The following KDM4B variants were observed in gnomAD, a reference collection of about 807,000 sequenced individuals.
KDM4B encodes the protein lysine demethylase 4B, also known as lysine-specific demethylase 4B.
KDM4B carries 32 observed loss-of-function variants against 125.2 expected under a neutral mutation model. That is an observed-to-expected ratio of 0.26 (90% CI 0.19 to 0.34). KDM4B has a LOEUF of 0.34. KDM4B is among the 10% of genes least tolerant of loss of function. The probability of loss-of-function intolerance (pLI) is 1.00; values close to 1 mark genes in which losing one functional copy is unlikely to be tolerated. For synonymous variants in KDM4B, 721 were observed against 677.9 expected (o/e 1.06, Z -0.99); for missense variants, 1,190 against 1,577.7 (o/e 0.75, Z 4.16).
intron 2 of KDM4B, among the ~76,000 whole-genome samples, chr19:5,021,535 C>T (rs2036119532): frequency 6.6e-6 from 1 of 151,752 alleles, no homozygotes; most frequent in Non-Finnish European, 1.5e-5. Context: ...ATTGTGCCAC[C>T]GCACTCCAGC....
intron 3 of KDM4B, among the ~76,000 whole-genome samples, chr19:5,034,843 G>C (rs1227664892): frequency 1.3e-5 from 2 of 152,194 alleles, no homozygotes; most frequent in African/African-American, 4.8e-5. Flanking sequence ...TTTTGAGAGG[G>C]GGTCTGGCTC....
chr19:5,055,640 A>G (rs1372234889), intron 6 of KDM4B, among the ~76,000 whole-genome samples: 1 of 151,790 alleles, frequency 6.6e-6, no homozygotes, highest in Non-Finnish European at 1.5e-5. Context: ...GCCCCGCAGC[A>G]GGCGAGTGTC....
chr19:5,095,247 G>C (rs1017870079), intron 9 of KDM4B, among the ~76,000 whole-genome samples: 2 of 152,172 alleles, frequency 1.3e-5, no homozygotes, highest in Non-Finnish European at 2.9e-5. Context: ...GGGAGTTGGC[G>C]CTGCAGCTGA....
chr19:5,139,070 G>A (rs867335851), intron 18 of KDM4B, among the ~76,000 whole-genome samples: 24 of 152,062 alleles, frequency 1.6e-4, no homozygotes, highest in Admixed American at 3.9e-4. Flanking sequence ...CCACAAGCAC[G>A]TGCCAAAAAG....
At chr19:5,109,828 T>C (rs2039106130) in intron 9 of KDM4B, among the ~76,000 whole-genome samples, 1 of 152,218 alleles carries the variant, frequency 6.6e-6, no homozygotes, top group South Asian at 2.1e-4. Context: ...GGGATTCCTG[T>C]TGGTTCTCTC....
chr19:5,111,725 C>A (rs1174450394), intron 10 of KDM4B: 1 of 762,908 alleles, frequency 1.3e-6, no homozygotes, highest in African/African-American at 1.7e-5. Flanking sequence ...CAGCCAACTC[C>A]TCCGGGGAAG....
chr19:4,991,896 C>T (rs970287951), intron 1 of KDM4B, among the ~76,000 whole-genome samples: 2 of 152,288 alleles, frequency 1.3e-5, no homozygotes, highest in East Asian at 1.9e-4. Context: ...TGCAATCTGT[C>T]GAAGTTGTTG....
At chr19:5,150,214 T>C in intron 21 of KDM4B, 144 bp from the exon 22 acceptor site, 1 of 607,938 alleles carries the variant, frequency 1.6e-6, no homozygotes, top group Non-Finnish European at 2.9e-6. Flanking sequence ...GAGGTGGACA[T>C]GAGCTTCAGC....
intron 14 of KDM4B, among the ~76,000 whole-genome samples, chr19:5,134,589 C>T (rs969339363): frequency 5.3e-5 from 8 of 152,212 alleles, no homozygotes; most frequent in Admixed American, 2.0e-4. Flanking sequence ...CCGTTTTCCT[C>T]GGATCTCTTA....
At chr19:5,086,884 C>T (rs903592731) in intron 9 of KDM4B, among the ~76,000 whole-genome samples, 2 of 152,242 alleles carry the variant, frequency 1.3e-5, no homozygotes, top group Non-Finnish European at 2.9e-5. Context: ...CCAGGTCTGC[C>T]CCCACAGGGC....
chr19:5,090,925 G>T (rs1333787054), intron 9 of KDM4B, among the ~76,000 whole-genome samples: 1 of 152,030 alleles, frequency 6.6e-6, no homozygotes, highest in Non-Finnish European at 1.5e-5. Flanking sequence ...ACAGCCCGGT[G>T]GGGGCAGCTG....
intron 2 of KDM4B, among the ~76,000 whole-genome samples, chr19:5,022,834 C>T (rs1458741325): frequency 4.1e-5 from 6 of 147,456 alleles, no homozygotes; most frequent in Non-Finnish European, 6.0e-5. Context: ...GGTGGGGGGG[C>T]TTGGAGGGAT....
At chr19:5,150,312 G>A in intron 21 of KDM4B, 46 bp from the exon 22 acceptor site, 3 of 1,504,400 alleles carry the variant, frequency 2.0e-6, no homozygotes, top group Non-Finnish European at 2.7e-6. Context: ...TGGAGCACCT[G>A]CCATCCTGGC....
intron 18 of KDM4B, 122 bp downstream of exon 18, chr19:5,138,192 G>A (rs924074972): frequency 1.4e-6 from 1 of 706,266 alleles, no homozygotes; most frequent in Non-Finnish European, 2.4e-6. Flanking sequence ...CATGGGGGTG[G>A]TGGGCAGCTT....
intron 2 of KDM4B, among the ~76,000 whole-genome samples, chr19:5,031,769 G>A (rs1307365488): frequency 1.3e-5 from 2 of 152,300 alleles, no homozygotes; most frequent in South Asian, 2.1e-4. Context: ...AGATTCCTGG[G>A]TGCATGCTGC....
At chr19:5,031,066 T>C (rs1161494540) in intron 2 of KDM4B, among the ~76,000 whole-genome samples, 1 of 152,232 alleles carries the variant, frequency 6.6e-6, no homozygotes, top group Non-Finnish European at 1.5e-5. Flanking sequence ...AGCTGCGGCC[T>C]CTGCTCCCTC....
intron 9 of KDM4B, among the ~76,000 whole-genome samples, chr19:5,092,379 G>A (rs2038726817): frequency 6.6e-6 from 1 of 152,166 alleles, no homozygotes; most frequent in Non-Finnish European, 1.5e-5. Context: ...GCCACCCATT[G>A]AAGACACCTG....
At chr19:5,092,328 A>G (rs2038725673) in intron 9 of KDM4B, among the ~76,000 whole-genome samples, 1 of 152,096 alleles carries the variant, frequency 6.6e-6, no homozygotes, top group African/African-American at 2.4e-5. Flanking sequence ...AGCTGTTTCA[A>G]CCACAACATC....
chr19:4,971,817 A>G lies in KDM4B; in HGVS notation c.-109+2587A>G, dbSNP rs1329537780. The stretch of plus-strand genomic sequence containing the variant: ...CTTTGTTCCCTGGATCGGGGAGCGG[A>G]ATTGGGGGTTCAGAGCTGGGTGACC... On this transcript the variant is annotated intron_variant, in intron 1 of 22. Coordinates refer to ENST00000159111, the MANE Select transcript of KDM4B (RefSeq NM_015015.3). This position sits in a 1 kb window ranked among gnomAD's most constrained non-coding sequence, Gnocchi z 4.1. Among the ~76,000 whole-genome samples, 3 of 151,910 alleles carry G rather than the reference A, an allele frequency of 2.0e-5. No individual in the cohort carries two copies. The highest frequency in any genetic ancestry group is 4.4e-5 in the Non-Finnish European group (3 of 67,964).
Sources: gnomAD v4.1 joint callset for allele counts (sites outside exome capture counted in the v4.1 genomes callset) on GRCh38, gnomAD v4.1.1 for gene constraint, Gnocchi (gnomAD v3.1) non-coding constraint, MANE v1.5 for transcripts, NCBI Gene and HGNC (gene_info 2026-07-23, HGNC 2026-07-21) for gene names.